The following NKTR variants were observed in gnomAD, a reference collection of about 807,000 sequenced individuals.
The protein encoded by NKTR is NK-tumor recognition protein.
A neutral mutation model predicts 156.3 loss-of-function variants in NKTR; 67 were observed. The ratio of observed to expected loss-of-function variants is 0.43; its 90% CI spans 0.35 to 0.53. The LOEUF is 0.53. Among genes scored for constraint, NKTR ranks in the 20% least tolerant of loss-of-function variants. NKTR has a pLI of 0.01. For missense variants in NKTR, 1,604 were observed against 1,730.9 expected (o/e 0.93, Z 1.30); for synonymous variants, 640 against 596.6 (o/e 1.07, Z -1.06).
chr3:42,632,536 AT>A (rs11385188), intron 8 of NKTR, 64 bp from the exon 9 acceptor site: 1 of 960,528 alleles, frequency 1.0e-6, no homozygotes, highest in Non-Finnish European at 1.6e-6. Context: ...CAGTAATCAC[AT>A]TTTTTACTCT....
chr3:42,645,715 C>T (rs983799365), intron 16 of NKTR, among the ~76,000 whole-genome samples, 173 bp from the exon 17 acceptor site: 6 of 151,928 alleles, frequency 3.9e-5, no homozygotes, highest in African/African-American at 1.5e-4. Flanking sequence ...ATGGTGTTGC[C>T]ATAGTCAGTA....
intron 4 of NKTR, 33 bp downstream of exon 4, chr3:42,619,160 A>G (rs750866276): frequency 6.3e-7 from 1 of 1,587,038 alleles, no homozygotes; most frequent in Admixed American, 2.0e-5. Flanking sequence ...TAATAACTCC[A>G]TCTATCAGTT....
intron 6 of NKTR, chr3:42,628,401 G>C (rs1577516185): frequency 2.0e-6 from 2 of 984,918 alleles, no homozygotes; most frequent in Non-Finnish European, 2.4e-6. Flanking sequence ...TCCTCAAATT[G>C]AGTCTCAAGT....
Position 42,601,018 on chromosome 3 carries a change from G to A in NKTR, c.12G>A (p.Gln4=), listed in dbSNP as rs983444215. 1 of 1,578,404 alleles carries A rather than the reference G, an allele frequency of 6.3e-7. No individual in the cohort carries two copies. The highest frequency in any genetic ancestry group is 8.6e-7 in the Non-Finnish European group (1 of 1,164,920). ...CCACCTCGGTCGCGATGGGGGCGCA[G>A]GACCGGCCGCAGTGCCACTTCGACA... MGA[Q]DRPQCHFDIE... is the part of the protein sequence containing the mutation. The change falls in exon 2 of 17, where the codon CAG becomes CAA. Residue 4 remains glutamine, a synonymous_variant. Coordinates refer to ENST00000232978, the MANE Select transcript of NKTR (RefSeq NM_005385.4).
rs141558620 is a variant in NKTR at position 42,628,389 on chromosome 3, C to T, written c.375-2157C>T. ...TTGAATGTCATAAAGATAGCTATTC[C>T]ATCCTCAAATTGAGTCTCAAGTAGT... On this transcript the variant is annotated intron_variant, in intron 6 of 16. Transcript: ENST00000232978. 487 of 984,900 alleles carry T rather than the reference C, an allele frequency of 4.9e-4. 2 individuals are homozygous for T. In the African/African-American group the frequency reaches 7.0e-3, roughly 14 times the overall value. The allele number at this position is 984,900 out of a possible 1,614,324, so 61.0% of individuals were successfully genotyped here.
intron 2 of NKTR, among the ~76,000 whole-genome samples, chr3:42,604,059 G>C (rs1705915849): frequency 6.6e-6 from 1 of 152,034 alleles, no homozygotes; most frequent in Non-Finnish European, 1.5e-5. Flanking sequence ...TAAAGAAATT[G>C]GTGCATTTTA....
At position 42,632,808 on chromosome 3, in the gene NKTR, C is replaced by G. The variant is rs968876590; in HGVS notation, c.758C>G (p.Ala253Gly). The change falls in exon 9 of 17, where the codon GCA becomes GGA. Residue 253 changes from alanine (A) to glycine (G), a missense_variant. Ala to Gly is a moderately conservative substitution (Grantham distance 60). This residue lies in a region of NKTR where 1,255 missense variants were observed against 1,243.7 expected (regional missense o/e 1.01). Coordinates refer to ENST00000232978, the MANE Select transcript of NKTR (RefSeq NM_005385.4). ...SSSEEPRNKH[A>G]MNPKGHSERS... ...TCAGAAGAGCCAAGGAATAAACATGCAATGAACCCAAAAGGGTACGTGTAA... is the reference window on the plus strand; with the variant it reads ...TCAGAAGAGCCAAGGAATAAACATGGAATGAACCCAAAAGGGTACGTGTAA... 5.0e-6 allele frequency: 8 copies of G among 1,594,844 alleles called. No homozygotes were observed. The highest frequency in any genetic ancestry group is 1.8e-5 in the Admixed American group (1 of 56,434).
chr3:42,601,179 C>T, intron 2 of NKTR, 115 bp downstream of exon 2: 1 of 784,158 alleles, frequency 1.3e-6, no homozygotes, highest in South Asian at 1.9e-5. Flanking sequence ...GAGGCGCAGG[C>T]AACTTTCCGT....
At position 42,632,681 on chromosome 3, in the gene NKTR, T is replaced by G. The variant is rs1416571413; in HGVS notation, c.631T>G (p.Ser211Ala). Residue 211 changes from serine to alanine, a missense_variant, in exon 9 of 17, where the codon TCT (serine) becomes GCT (alanine). Around this residue, in one of 6 missense-constraint regions of NKTR, gnomAD observed 1,255 missense variants for 1,243.7 expected, o/e 1.01. Transcript: ENST00000232978. ...CAATTCCTCCTCTTCTTCAGAATCA[T>G]CTTCAGAAAGTGAACTTGAACATGA... ...SSNSSSSSES[S>A]SESELEHERS... The G allele has an allele frequency of 3.1e-6, 5 of 1,613,828 alleles. No individual in the cohort carries two copies. Among genetic ancestry groups the G allele is most frequent in the Non-Finnish European group, 4.2e-6 (5 of 1,179,884 alleles).
chr3:42,615,827 A>G (rs536562920), intron 2 of NKTR, among the ~76,000 whole-genome samples: 42 of 152,330 alleles, frequency 2.8e-4, no homozygotes, highest in African/African-American at 1.0e-3. Context: ...ATGTTTCTAT[A>G]TAAATACAGT....
chr3:42,606,797 T>C (rs1029917415), intron 2 of NKTR, among the ~76,000 whole-genome samples: 11 of 152,106 alleles, frequency 7.2e-5, no homozygotes, highest in African/African-American at 2.7e-4. Context: ...TGCTTGAGCA[T>C]AGGAGTTAGA....
At chr3:42,627,880 C>T (rs945060910) in intron 6 of NKTR, 4 of 985,034 alleles carry the variant, frequency 4.1e-6, no homozygotes, top group East Asian at 1.1e-4. Flanking sequence ...AAGATCAATG[C>T]AATTTTTCTT....
At chr3:42,641,327 C>T (rs1709866371) in intron 13 of NKTR, among the ~76,000 whole-genome samples, 1 of 152,112 alleles carries the variant, frequency 6.6e-6, no homozygotes, top group Non-Finnish European at 1.5e-5. Flanking sequence ...GGAAGCAGGT[C>T]ATGTCTTCCA....
rs1471843557 is a variant in NKTR, at chr3:42,601,013, G to A, written c.7G>A (p.Ala3Thr). 1 of 1,577,216 alleles carries A rather than the reference G, an allele frequency of 6.3e-7. No homozygotes were observed. The highest frequency in any genetic ancestry group is 8.6e-7 in the Non-Finnish European group (1 of 1,164,782). Residue 3 changes from alanine (A) to threonine (T), a missense_variant, in exon 2 of 17, where the codon GCG (alanine) becomes ACG (threonine). Around this residue, in one of 6 missense-constraint regions of NKTR, gnomAD observed 73 missense variants for 90.7 expected, o/e 0.80. Coordinates refer to ENST00000232978, the MANE Select transcript of NKTR (RefSeq NM_005385.4). MG[A>T]QDRPQCHFDI... is the part of the protein sequence containing the mutation. The stretch of plus-strand genomic sequence containing the variant: ...TGCCGCCACCTCGGTCGCGATGGGG[G>A]CGCAGGACCGGCCGCAGTGCCACTT...
Position 42,617,591 on chromosome 3 carries a change from T to C in NKTR, c.80T>C (p.Leu27Pro). ...TCAGTTGGTCGCATTATGTTTCAGCTCTTCTCAGACATATGTCCAAAAACA... is the reference window on the plus strand; with the variant it reads ...TCAGTTGGTCGCATTATGTTTCAGCCCTTCTCAGACATATGTCCAAAAACA... ...REPVGRIMFQLFSDICPKTCK... is the reference protein window; with the variant it reads ...REPVGRIMFQPFSDICPKTCK... Residue 27 changes from leucine (L) to proline (P), a missense_variant, in exon 3 of 17, where the codon CTC (leucine) becomes CCC (proline). Physicochemically the swap from Leu to Pro is moderately conservative, Grantham distance 98. This residue lies in a region of NKTR where 73 missense variants were observed against 90.7 expected (regional missense o/e 0.80). Transcript: ENST00000232978. 1.2e-6 allele frequency: 2 copies of C among 1,601,736 alleles called. No individual in the cohort carries two copies. The highest frequency in any genetic ancestry group is 1.7e-6 in the Non-Finnish European group (2 of 1,169,042).
intron 2 of NKTR, among the ~76,000 whole-genome samples, chr3:42,605,048 G>C (rs1366921410): frequency 6.6e-6 from 1 of 151,690 alleles, no homozygotes; most frequent in Non-Finnish European, 1.5e-5. Context: ...CTCTTAGGTG[G>C]GTACATACAT....
At chr3:42,643,648 G>T (rs570703841) in intron 15 of NKTR, 20 of 647,448 alleles carry the variant, frequency 3.1e-5, no homozygotes, top group Admixed American at 7.5e-5. Context: ...AGATCCACCA[G>T]GTTCAAACTA....
At chr3:42,606,588 T>C (rs1409581607) in intron 2 of NKTR, among the ~76,000 whole-genome samples, 1 of 152,266 alleles carries the variant, frequency 6.6e-6, no homozygotes, top group Non-Finnish European at 1.5e-5. Context: ...GTATGTATAC[T>C]TGTACAAAGA....
chr3:42,644,324 A>G (rs339656), intron 16 of NKTR, among the ~76,000 whole-genome samples: 42,679 of 152,060 alleles, frequency 0.28, 6,702 homozygotes, highest in East Asian at 0.47. Flanking sequence ...AAATAGAACC[A>G]CTTGCTAGCA....
Sources: allele counts gnomAD v4.1 joint callset (sites outside exome capture counted in the v4.1 genomes callset), GRCh38; gene constraint gnomAD v4.1.1; regional missense constraint gnomAD v4.1.1; transcripts MANE v1.5; gene names NCBI Gene and HGNC (gene_info 2026-07-23, HGNC 2026-07-21).